The following CNTN4 variants were observed in gnomAD, a reference collection of about 807,000 sequenced individuals.
The protein encoded by CNTN4 is contactin-4.
A neutral mutation model predicts 122.5 loss-of-function variants in CNTN4; 77 were observed. That is an observed-to-expected ratio of 0.63 (90% CI 0.52 to 0.76). CNTN4 has a LOEUF of 0.76. CNTN4 is among the 30% of genes least tolerant of loss of function. CNTN4 has a pLI of 0.00. For synonymous variants in CNTN4, 512 were observed against 447.0 expected (o/e 1.15, Z -1.83); for missense variants, 1,256 against 1,259.1 (o/e 1.00, Z 0.04).
chr3:2,700,499 C>T (rs1231643060), intron 4 of CNTN4, among the ~76,000 whole-genome samples: 2 of 152,172 alleles, frequency 1.3e-5, no homozygotes, highest in Non-Finnish European at 2.9e-5. Context: ...GGCTCTTTGA[C>T]CTCTTCCTGG....
chr3:2,789,940 A>G (rs1395233485), intron 6 of CNTN4, among the ~76,000 whole-genome samples: 1 of 152,224 alleles, frequency 6.6e-6, no homozygotes, highest in Admixed American at 6.5e-5. Context: ...GCCATTTAGT[A>G]GAGTATCCAA....
At chr3:2,816,393 A>G (rs1230832483) in intron 6 of CNTN4, among the ~76,000 whole-genome samples, 2 of 151,862 alleles carry the variant, frequency 1.3e-5, no homozygotes, top group Non-Finnish European at 2.9e-5. Flanking sequence ...ATAAATAAAA[A>G]AAGAATGATA....
chr3:2,390,507 T>C (rs2046405454), intron 3 of CNTN4, among the ~76,000 whole-genome samples: 1 of 152,240 alleles, frequency 6.6e-6, no homozygotes, highest in Non-Finnish European at 1.5e-5. Context: ...TGATATAGCA[T>C]TAATGTTTTA....
intron 2 of CNTN4, among the ~76,000 whole-genome samples, chr3:2,227,227 C>A (rs186433427): frequency 1.3e-5 from 2 of 152,220 alleles, no homozygotes; most frequent in Admixed American, 1.3e-4. Context: ...TCTTTACATT[C>A]CTATATTTTC....
chr3:2,960,843 G>C (rs1186152893), intron 13 of CNTN4, among the ~76,000 whole-genome samples: 2 of 152,144 alleles, frequency 1.3e-5, no homozygotes, highest in Non-Finnish European at 2.9e-5. Context: ...AATGGTAGTA[G>C]AATGGATGCA....
At chr3:2,671,777 G>C (rs2084529890) in intron 4 of CNTN4, among the ~76,000 whole-genome samples, 1 of 152,164 alleles carries the variant, frequency 6.6e-6, no homozygotes, top group Non-Finnish European at 1.5e-5. Context: ...TGGGGTTTTG[G>C]TGTGGATGTC....
chr3:2,911,956 T>A (rs974641923), intron 12 of CNTN4, among the ~76,000 whole-genome samples: 5 of 152,002 alleles, frequency 3.3e-5, no homozygotes, highest in African/African-American at 4.8e-5. Context: ...CATCATCAAG[T>A]GCAACAATAT....
At chr3:2,262,827 T>C (rs1461306099) in intron 2 of CNTN4, among the ~76,000 whole-genome samples, 1 of 152,128 alleles carries the variant, frequency 6.6e-6, no homozygotes, top group East Asian at 1.9e-4. Context: ...GAATTAAAAC[T>C]TGAGATAGGC....
Position 3,057,923 on chromosome 3 carries a change from T to A in CNTN4, c.*1703T>A, listed in dbSNP as rs535013621. 6.6e-6 allele frequency: 1 copy of A among 152,630 alleles called. No homozygotes were observed. Among genetic ancestry groups the A allele is most frequent in the East Asian group, 1.9e-4 (1 of 5,190 alleles). The allele number at this position is 152,630 out of a possible 1,614,324, so 9.5% of individuals were successfully genotyped here. Reference sequence around the variant, plus strand: ...GTGATCTAGCATATGTAATCTTTTTTAAAGGTATTGTTAATAAATATTCTG... The same window carrying A: ...GTGATCTAGCATATGTAATCTTTTTAAAAGGTATTGTTAATAAATATTCTG... On this transcript the variant is annotated 3_prime_UTR_variant, in exon 25 of 25. Transcript: ENST00000418658.
intron 6 of CNTN4, among the ~76,000 whole-genome samples, chr3:2,795,443 A>G (rs1376749831): frequency 4.6e-5 from 7 of 151,922 alleles, no homozygotes; most frequent in African/African-American, 1.7e-4. Context: ...AAGGGACTCT[A>G]TAATCTATTC....
At chr3:2,470,505 A>T (rs538707449) in intron 3 of CNTN4, among the ~76,000 whole-genome samples, 286 of 152,290 alleles carry the variant, frequency 1.9e-3, no homozygotes, top group Middle Eastern at 6.8e-3. Context: ...ACTCTTGTGC[A>T]TTCTGGAGCA....
intron 3 of CNTN4, among the ~76,000 whole-genome samples, chr3:2,419,562 G>A (rs774242368): frequency 6.6e-6 from 1 of 152,198 alleles, no homozygotes; most frequent in African/African-American, 2.4e-5. Flanking sequence ...ATTGCGAATA[G>A]TGAAGTCTGC....
intron 4 of CNTN4, among the ~76,000 whole-genome samples, chr3:2,696,554 C>G (rs1486510883): frequency 6.6e-6 from 1 of 152,192 alleles, no homozygotes; most frequent in Non-Finnish European, 1.5e-5. Flanking sequence ...CACCAGACAC[C>G]AAACTTGCTG....
At chr3:2,662,145 C>A (rs1488501117) in intron 4 of CNTN4, among the ~76,000 whole-genome samples, 1 of 152,164 alleles carries the variant, frequency 6.6e-6, no homozygotes, top group African/African-American at 2.4e-5. Context: ...TTGTAAATCA[C>A]AGTTATAATA....
At chr3:2,250,479 A>G (rs1283162782) in intron 2 of CNTN4, among the ~76,000 whole-genome samples, 1 of 151,888 alleles carries the variant, frequency 6.6e-6, no homozygotes, top group Non-Finnish European at 1.5e-5. Flanking sequence ...TAGCATTTCT[A>G]TAGCATTGTA....
intron 8 of CNTN4, among the ~76,000 whole-genome samples, chr3:2,869,257 A>C (rs529810518): frequency 4.6e-5 from 7 of 152,320 alleles, no homozygotes; most frequent in Admixed American, 3.3e-4. Context: ...TTCAGAAAAC[A>C]ATAGTGAAAA....
intron 3 of CNTN4, among the ~76,000 whole-genome samples, chr3:2,368,071 C>G (rs144230742): frequency 8.0e-4 from 110 of 137,806 alleles, no homozygotes; most frequent in African/African-American, 2.9e-3. Context: ...GTCGCTCTGT[C>G]GCCCAGGCTG....
At chr3:2,619,346 G>A (rs1021503322) in intron 4 of CNTN4, among the ~76,000 whole-genome samples, 4 of 152,190 alleles carry the variant, frequency 2.6e-5, no homozygotes, top group African/African-American at 9.7e-5. Flanking sequence ...GCTTCTAGTA[G>A]CAATAGACAT....
intron 8 of CNTN4, among the ~76,000 whole-genome samples, chr3:2,869,720 T>A (rs1260576689): frequency 5.3e-5 from 8 of 152,204 alleles, no homozygotes; most frequent in Non-Finnish European, 1.2e-4. Context: ...GATCAGCGTT[T>A]TCATCCGACT....
Sources: gnomAD v4.1 joint callset for allele counts (sites outside exome capture counted in the v4.1 genomes callset) on GRCh38, gnomAD v4.1.1 for gene constraint, MANE v1.5 for transcripts, NCBI Gene and HGNC (gene_info 2026-07-23, HGNC 2026-07-21) for gene names.